The following NECTIN1 variants were observed in gnomAD, a reference collection of about 807,000 sequenced individuals.
NECTIN1 encodes the protein nectin cell adhesion molecule 1, also known as nectin-1.
Under a neutral mutation model 48.0 loss-of-function variants are expected in NECTIN1, and 23 were observed. That is an observed-to-expected ratio of 0.48 (90% CI 0.34 to 0.68). The LOEUF is 0.68. Among genes scored for constraint, NECTIN1 ranks in the 30% least tolerant of loss-of-function variants. NECTIN1 has a pLI of 0.01. For missense variants in NECTIN1, 591 were observed against 709.9 expected, an observed-to-expected ratio of 0.83 and a Z score of 1.90; for synonymous variants, 270 against 288.9, an observed-to-expected ratio of 0.93 and a Z score of 0.66.
chr11:119,681,802 C>T (rs952312561), intron 1 of NECTIN1, among the ~76,000 whole-genome samples: 5 of 152,266 alleles, frequency 3.3e-5, no homozygotes, highest in Admixed American at 2.6e-4. Flanking sequence ...GGGTGCCCCT[C>T]GTCCTGGACA....
At chr11:119,711,453 G>A (rs1865644905) in intron 1 of NECTIN1, among the ~76,000 whole-genome samples, 1 of 152,048 alleles carries the variant, frequency 6.6e-6, no homozygotes, top group African/African-American at 2.4e-5. Flanking sequence ...AAGCCAGCCA[G>A]CTCCCATCGG....
chr11:119,676,692 G>A (rs997549065), intron 4 of NECTIN1: 1 of 274,392 alleles, frequency 3.6e-6, no homozygotes, highest in African/African-American at 2.2e-5. Context: ...GGGTGCCAGA[G>A]AGAAGGAATA....
chr11:119,715,889 G>A lies in NECTIN1; in HGVS notation c.79+12586C>T, dbSNP rs536983501. ...TGTGTGTGAGGTCAGAGGTCAGAGC[G>A]TGGATGCCATGCAGTGCTGGACTGG... On this transcript the variant is annotated intron_variant, in intron 1 of 5. Transcript: ENST00000264025. Among the ~76,000 whole-genome samples, 100 of 152,310 alleles carry A rather than the reference G, an allele frequency of 6.6e-4. 1 individual carries two copies. Among genetic ancestry groups the A allele is most frequent in the African/African-American group, 2.1e-3 (86 of 41,554 alleles).
chr11:119,697,425 T>C (rs2135567654), intron 1 of NECTIN1, among the ~76,000 whole-genome samples: 1 of 152,334 alleles, frequency 6.6e-6, no homozygotes, highest in Non-Finnish European at 1.5e-5. Context: ...GCCCAAGTTT[T>C]TATAAGGCTC....
intron 1 of NECTIN1, among the ~76,000 whole-genome samples, chr11:119,691,660 C>T (rs1865255247): frequency 6.6e-6 from 1 of 152,210 alleles, no homozygotes; most frequent in East Asian, 1.9e-4. Flanking sequence ...CTAATGTCAG[C>T]CTTGGCACTT....
chr11:119,670,858 C>T (rs1467223232), intron 5 of NECTIN1, among the ~76,000 whole-genome samples: 2 of 151,992 alleles, frequency 1.3e-5, no homozygotes, highest in Non-Finnish European at 2.9e-5. Context: ...AGGCTGGTCT[C>T]GAACTCCTGA....
At chr11:119,674,387 G>A in intron 5 of NECTIN1, 2 of 1,500,054 alleles carry the variant, frequency 1.3e-6, no homozygotes, top group Non-Finnish European at 1.8e-6. Context: ...TGGAGGTCAG[G>A]GTAATAATCA....
chr11:119,718,675 A>C (rs1443695674), intron 1 of NECTIN1, among the ~76,000 whole-genome samples: 3 of 152,160 alleles, frequency 2.0e-5, no homozygotes, highest in African/African-American at 7.2e-5. Flanking sequence ...TCACCGTGAG[A>C]CATGGTGTGT....
chr11:119,680,942 G>A (rs749850962), intron 1 of NECTIN1, among the ~76,000 whole-genome samples: 32 of 152,218 alleles, frequency 2.1e-4, no homozygotes, highest in Non-Finnish European at 4.1e-4. Context: ...CCTTTAGCAG[G>A]CAGTGGGACC....
At chr11:119,689,327 C>T (rs905439726) in intron 1 of NECTIN1, among the ~76,000 whole-genome samples, 2 of 152,214 alleles carry the variant, frequency 1.3e-5, no homozygotes, top group African/African-American at 4.8e-5. Context: ...AGGAGCAGCA[C>T]ACACATGTGC....
intron 1 of NECTIN1, among the ~76,000 whole-genome samples, chr11:119,705,592 A>C (rs930434120): frequency 2.0e-5 from 3 of 152,162 alleles, no homozygotes; most frequent in Non-Finnish European, 4.4e-5. Context: ...TGGCCGGTGT[A>C]GCTAGACGGA....
At position 119,673,815 on chromosome 11, in the gene NECTIN1, G is replaced by C. The variant is rs548146456; in HGVS notation, c.1003+1344C>G. ...CTGTACTTGGACCTTCCCCGCTGGG[G>C]AGAAGTGTGTGACACCGGCCCCTTC... On this transcript the variant is annotated intron_variant, in intron 5 of 5. Transcript: ENST00000264025. The surrounding 1 kb of genome is among the most constrained non-coding windows in gnomAD (Gnocchi z 5.8). Among the ~76,000 whole-genome samples, 18 of 152,312 alleles carry C rather than the reference G, an allele frequency of 1.2e-4. No individual in the cohort carries two copies. Among genetic ancestry groups the C allele is most frequent in the African/African-American group, 4.1e-4 (17 of 41,564 alleles).
intron 5 of NECTIN1, among the ~76,000 whole-genome samples, chr11:119,653,669 C>T (rs1476547654): frequency 6.6e-6 from 1 of 152,198 alleles, no homozygotes; most frequent in Non-Finnish European, 1.5e-5. Context: ...GTTCTGTTTC[C>T]CTGCTTAGGG....
At chr11:119,639,866 C>T (rs766088548) in exon 6 of NECTIN1, 23 of 1,613,986 alleles carry the variant, frequency 1.4e-5, no homozygotes, top group Admixed American at 1.2e-4. Flanking sequence ...CTGGCTCACC[C>T]GGCCCCATCC....
intron 5 of NECTIN1, among the ~76,000 whole-genome samples, chr11:119,671,590 C>T (rs767211459): frequency 1.4e-4 from 22 of 152,258 alleles, no homozygotes; most frequent in Non-Finnish European, 1.3e-4. Context: ...GGGTTTGCCT[C>T]CGAAACCAAT....
intron 1 of NECTIN1, among the ~76,000 whole-genome samples, chr11:119,697,133 G>A (rs1026954458): frequency 2.6e-5 from 4 of 152,132 alleles, no homozygotes; most frequent in Non-Finnish European, 5.9e-5. Context: ...GGAGGTCGAG[G>A]TGAGGATTAG....
chr11:119,650,415 C>T (rs1045041374), intron 5 of NECTIN1, among the ~76,000 whole-genome samples: 1 of 152,170 alleles, frequency 6.6e-6, no homozygotes, highest in Admixed American at 6.5e-5. Context: ...TCCTCATGAG[C>T]CCGGCCTGCC....
At position 119,649,035 on chromosome 11, in the gene NECTIN1, A is replaced by C. The variant is rs138656294; in HGVS notation, c.1004-9023T>G. Among the ~76,000 whole-genome samples, 551 of 152,262 alleles carry C rather than the reference A, an allele frequency of 3.6e-3. 5 individuals are homozygous for C. In the East Asian group the frequency reaches 0.05, roughly 14 times the overall value. On this transcript the variant is annotated intron_variant, in intron 5 of 7. Transcript: ENST00000341398. ...GTCAGAAAGATGTGAGTTCAAGGCC[A>C]ATGGAGACAATCCCTGGGCATCTGG...
chr11:119,678,933 A>C lies in NECTIN1; in HGVS notation c.80-168T>G, dbSNP rs951349057. ...AAAACACTCTAGGCAACACTGAAAA[A>C]TCATGAGAAGAAAGTGACAACATCC... is the stretch of plus-strand genomic sequence containing the variant. On this transcript the variant is annotated intron_variant, in intron 1 of 5. Coordinates refer to ENST00000264025, the MANE Select transcript of NECTIN1 (RefSeq NM_002855.5). This position sits in a 1 kb window ranked among gnomAD's most constrained non-coding sequence, Gnocchi z 4.4. Among the ~76,000 whole-genome samples, 3 of 152,200 alleles carry C rather than the reference A, an allele frequency of 2.0e-5. No individual in the cohort carries two copies. The highest frequency in any genetic ancestry group is 7.2e-5 in the African/African-American group (3 of 41,434).
Sources: allele counts gnomAD v4.1 joint callset (sites outside exome capture counted in the v4.1 genomes callset), GRCh38; gene constraint gnomAD v4.1.1; non-coding constraint Gnocchi (gnomAD v3.1); transcripts MANE v1.5; gene names NCBI Gene and HGNC (gene_info 2026-07-23, HGNC 2026-07-21).